MTA3: variants seen among roughly 807,000 people sequenced by gnomAD.
MTA3 encodes metastasis-associated protein MTA3.
Under a neutral mutation model 83.5 loss-of-function variants are expected in MTA3, and 34 were observed. The observed-to-expected ratio is 0.41, with a 90% CI of 0.31 to 0.54. The LOEUF (loss-of-function observed/expected upper bound fraction) is 0.54, where lower values mean the gene tolerates loss of function less well. MTA3 is among the 20% of genes least tolerant of loss of function. MTA3 has a pLI of 0.33. For synonymous variants in MTA3, 303 were observed against 252.7 expected, an observed-to-expected ratio of 1.20 and a Z score of -1.89; for missense variants, 761 against 726.4, an observed-to-expected ratio of 1.05 and a Z score of -0.55.
At chr2:42,621,483 C>A (rs1457794070) in intron 4 of MTA3, among the ~76,000 whole-genome samples, 1 of 152,236 alleles carries the variant, frequency 6.6e-6, no homozygotes, top group Non-Finnish European at 1.5e-5. Context: ...CAAGGCAGAA[C>A]AATTCTTCTT....
At chr2:42,641,613 C>T (rs529232708) in intron 5 of MTA3, among the ~76,000 whole-genome samples, 33 of 151,762 alleles carry the variant, frequency 2.2e-4, no homozygotes, top group African/African-American at 6.8e-4. Flanking sequence ...TTTGGGAGGC[C>T]GAGGTGGGCG....
rs543231885 is a variant in MTA3, at chr2:42,594,096, C to T, written c.190+14896C>T. On this transcript the variant is annotated intron_variant, in intron 3 of 16. Coordinates refer to ENST00000405094, the MANE Select transcript of MTA3 (RefSeq NM_001330442.2). ...CCTCACAAGTAGCTGGGATTACAGG[C>T]GCACACCACCATGCCTGGCTAATTT... 1.7e-4 allele frequency among the ~76,000 whole-genome samples: 26 copies of T among 151,748 alleles called. No individual in the cohort carries two copies. In the East Asian group the frequency reaches 2.1e-3, roughly 12 times the overall value.
intron 2 of MTA3, among the ~76,000 whole-genome samples, chr2:42,506,059 C>T (rs557905303): frequency 2.0e-5 from 3 of 152,204 alleles, no homozygotes; most frequent in Admixed American, 2.0e-4. Context: ...GCTACCACAC[C>T]CAGCCCCCTC....
At chr2:42,618,636 C>G (rs934544433) in intron 4 of MTA3, among the ~76,000 whole-genome samples, 69 of 151,844 alleles carry the variant, frequency 4.5e-4, no homozygotes, top group African/African-American at 1.5e-3. Flanking sequence ...GAAACAGAGT[C>G]TCGCTCTGTT....
chr2:42,500,544 G>A (rs934605806), intron 2 of MTA3, among the ~76,000 whole-genome samples: 1 of 151,948 alleles, frequency 6.6e-6, no homozygotes, highest in African/African-American at 2.4e-5. Context: ...AATAAACAGA[G>A]AAACAGAAAT....
At chr2:42,537,303 C>T (rs1485528942) in intron 2 of MTA3, among the ~76,000 whole-genome samples, 2 of 152,170 alleles carry the variant, frequency 1.3e-5, no homozygotes, top group Non-Finnish European at 2.9e-5. Context: ...GTGGCTCACA[C>T]CTGTAATCCC....
At chr2:42,639,571 C>T (rs1171828788) in intron 4 of MTA3, among the ~76,000 whole-genome samples, 2 of 152,186 alleles carry the variant, frequency 1.3e-5, no homozygotes, top group African/African-American at 4.8e-5. Flanking sequence ...TGTCAGACCT[C>T]AAGGTCCGTG....
chr2:42,714,361 T>TA (rs1045059361), intron 14 of MTA3, among the ~76,000 whole-genome samples: 5 of 151,876 alleles, frequency 3.3e-5, no homozygotes, highest in Admixed American at 6.6e-5. Flanking sequence ...GATTTTTTTT[T>TA]AAAAAAAGAC....
intron 2 of MTA3, among the ~76,000 whole-genome samples, chr2:42,574,722 C>T (rs534957807): frequency 2.6e-5 from 4 of 152,180 alleles, no homozygotes; most frequent in South Asian, 4.1e-4. Context: ...CACTGCACCC[C>T]GCCTAATGTT....
At chr2:42,608,603 T>C (rs944162583) in intron 3 of MTA3, among the ~76,000 whole-genome samples, 2 of 152,116 alleles carry the variant, frequency 1.3e-5, no homozygotes, top group African/African-American at 4.8e-5. Flanking sequence ...TTCTGTGAGG[T>C]TGGGTGTGGT....
rs1394473696 is a variant in MTA3, at chr2:42,568,701, C to G, written c.-45C>G. ...GCTGAGGCTGAGGAGGAGGCGGCGG[C>G]GGCGGGCGGGGCTCGGCTCGGGCTC... On this transcript the variant is annotated 5_prime_UTR_variant, in exon 1 of 17. Coordinates refer to ENST00000405094, the MANE Select transcript of MTA3 (RefSeq NM_001330442.2). 4 of 1,197,880 alleles carry G rather than the reference C, an allele frequency of 3.3e-6. No individual in the cohort carries two copies. In the African/African-American group the frequency reaches 4.8e-5, roughly 14 times the overall value. The allele number at this position is 1,197,880 out of a possible 1,614,324, so 74.2% of individuals were successfully genotyped here.
intron 3 of MTA3, among the ~76,000 whole-genome samples, chr2:42,607,962 T>C (rs753033418): frequency 6.6e-6 from 1 of 152,198 alleles, no homozygotes. Flanking sequence ...AAAAAAGTTA[T>C]ACAAATACAT....
At chr2:42,729,086 GTTTTTTTTT>G (rs1216600680) in intron 16 of MTA3, among the ~76,000 whole-genome samples, 7 of 60,130 alleles carry the variant, frequency 1.2e-4, no homozygotes, top group South Asian at 7.7e-4. Context: ...CACAGTTTGA[GTTTTTTTTT>G]TTTTTTTTTT....
intron 8 of MTA3, among the ~76,000 whole-genome samples, chr2:42,682,018 G>C (rs1691977277): frequency 1.3e-5 from 2 of 151,996 alleles, no homozygotes; most frequent in African/African-American, 2.4e-5. Context: ...ACCAGCCTGG[G>C]CAACATAGCG....
chr2:42,616,347 G>A (rs953679337), intron 4 of MTA3, among the ~76,000 whole-genome samples: 2 of 151,830 alleles, frequency 1.3e-5, no homozygotes, highest in Non-Finnish European at 2.9e-5. Context: ...ACAGGCGTGA[G>A]CCATTGCACG....
At chr2:42,658,460 C>T (rs1301431996) in intron 7 of MTA3, among the ~76,000 whole-genome samples, 1 of 152,148 alleles carries the variant, frequency 6.6e-6, no homozygotes, top group East Asian at 1.9e-4. Flanking sequence ...CGTCGTACAA[C>T]GGAATGTCGC....
intron 16 of MTA3, among the ~76,000 whole-genome samples, chr2:42,734,714 T>C (rs1356898881): frequency 1.3e-5 from 2 of 152,148 alleles, no homozygotes; most frequent in Non-Finnish European, 2.9e-5. Flanking sequence ...TGTGTATCTG[T>C]TGTATGTTTT....
intron 6 of MTA3, among the ~76,000 whole-genome samples, chr2:42,647,068 A>G (rs1401053896): frequency 6.8e-6 from 1 of 148,094 alleles, no homozygotes; most frequent in Non-Finnish European, 1.5e-5. Flanking sequence ...AGGCAGGAGA[A>G]TGGCGTGGAA....
At chr2:42,738,495 G>A (rs191207308) in intron 16 of MTA3, among the ~76,000 whole-genome samples, 1 of 152,222 alleles carries the variant, frequency 6.6e-6, no homozygotes, top group African/African-American at 2.4e-5. Context: ...AATCCTGTCA[G>A]CCGAGGAGGA....
Sources: allele counts gnomAD v4.1 joint callset (sites outside exome capture counted in the v4.1 genomes callset), GRCh38; gene constraint gnomAD v4.1.1; transcripts MANE v1.5; gene names NCBI Gene and HGNC (gene_info 2026-07-23, HGNC 2026-07-21).